Variants in QRFPR observed in about 807,000 individuals in gnomAD.
QRFPR encodes pyroglutamylated RFamide peptide receptor.
Under a neutral mutation model 31.3 loss-of-function variants are expected in QRFPR, and 37 were observed. The ratio of observed to expected loss-of-function variants is 1.18; its 90% CI spans 0.91 to 1.56. The LOEUF is 1.56. Ranked by LOEUF, QRFPR falls within the 40% of genes most tolerant of loss-of-function variation. The pLI, the probability that QRFPR is intolerant of heterozygous loss-of-function variation, is 0.00. For synonymous variants in QRFPR, 197 were observed against 192.0 expected (o/e 1.03, Z -0.22); for missense variants, 542 against 532.5 (o/e 1.02, Z -0.18).
intron 1 of QRFPR, chr4:121,369,598 G>T: frequency 6.2e-7 from 1 of 1,611,286 alleles, no homozygotes; most frequent in East Asian, 2.2e-5. Flanking sequence ...CCATTGGAGA[G>T]GGCTTCTGGG....
chr4:121,346,436 T>G (rs909534948), intron 1 of QRFPR, among the ~76,000 whole-genome samples: 1 of 152,210 alleles, frequency 6.6e-6, no homozygotes, highest in Non-Finnish European at 1.5e-5. Context: ...TACCTCTAGG[T>G]GTTTTTGTAG....
At chr4:121,347,391 T>C (rs1725675029) in intron 1 of QRFPR, among the ~76,000 whole-genome samples, 1 of 152,144 alleles carries the variant, frequency 6.6e-6, no homozygotes, top group Admixed American at 6.5e-5. Context: ...TGATTTCAGA[T>C]GATAGATATA....
At chr4:121,363,896 G>C (rs1726036091) in intron 1 of QRFPR, among the ~76,000 whole-genome samples, 1 of 147,252 alleles carries the variant, frequency 6.8e-6, no homozygotes, top group African/African-American at 2.5e-5. Flanking sequence ...AATTGAAGGA[G>C]AAAGAGAGAG....
chr4:121,365,810 A>T (rs1726126418), intron 1 of QRFPR, among the ~76,000 whole-genome samples: 2 of 141,528 alleles, frequency 1.4e-5, no homozygotes, highest in East Asian at 2.1e-4. Flanking sequence ...TAGACATTAC[A>T]GTAAAGAATT....
chr4:121,330,321 G>A, intron 5 of QRFPR, 105 bp downstream of exon 5: 1 of 742,144 alleles, frequency 1.3e-6, no homozygotes, highest in Non-Finnish European at 2.3e-6. Context: ...GAAATGTTAG[G>A]TATTTGATTA....
At position 121,363,283 on chromosome 4, in the gene QRFPR, G is replaced by A. The variant is rs1469924756; in HGVS notation, c.340+17025C>T. ...GGAGGTTGCAGTGAGCAGAGGTCGC[G>A]CCATTGCACTCCAGCCTGGGCAACA... On this transcript the variant is annotated intron_variant, in intron 1 of 5. Coordinates refer to ENST00000394427, the MANE Select transcript of QRFPR (RefSeq NM_198179.3). 5.3e-5 allele frequency among the ~76,000 whole-genome samples: 8 copies of A among 149,918 alleles called. 2 individuals are homozygous for A. Among genetic ancestry groups the A allele is most frequent in the Admixed American group, 1.3e-4 (2 of 15,098 alleles).
At chr4:121,357,792 G>A (rs1725899734) in intron 1 of QRFPR, among the ~76,000 whole-genome samples, 1 of 152,204 alleles carries the variant, frequency 6.6e-6, no homozygotes, top group Non-Finnish European at 1.5e-5. Context: ...ATGGATTTGA[G>A]AGAGAGCCCT....
intron 1 of QRFPR, among the ~76,000 whole-genome samples, chr4:121,370,781 T>C (rs911795904): frequency 3.3e-5 from 5 of 152,212 alleles, no homozygotes; most frequent in African/African-American, 1.2e-4. Flanking sequence ...TGAAAATATG[T>C]AAATACTATA....
chr4:121,373,208 A>G (rs1726284891), intron 1 of QRFPR, among the ~76,000 whole-genome samples: 2 of 152,254 alleles, frequency 1.3e-5, no homozygotes, highest in Admixed American at 6.5e-5. Flanking sequence ...ACAGTGAAAT[A>G]TTTAAAACTT....
intron 2 of QRFPR, 178 bp downstream of exon 2, chr4:121,340,274 C>T: frequency 1.5e-6 from 1 of 653,618 alleles, no homozygotes; most frequent in South Asian, 1.9e-5. Context: ...TTGAGGTCAG[C>T]CTAAAAGAGA....
intron 1 of QRFPR, among the ~76,000 whole-genome samples, chr4:121,367,125 C>T (rs1452125949): frequency 6.7e-6 from 1 of 149,888 alleles, no homozygotes; most frequent in Non-Finnish European, 1.5e-5. Context: ...AGGGAGGTTC[C>T]GCTGGGGTGG....
chr4:121,350,095 A>G (rs1348259278), intron 1 of QRFPR, among the ~76,000 whole-genome samples: 1 of 152,184 alleles, frequency 6.6e-6, no homozygotes, highest in Non-Finnish European at 1.5e-5. Flanking sequence ...TGGATGACAA[A>G]AAGGGCAATT....
In QRFPR at chr4:121,347,557, A is replaced by G. The variant is rs560080942; in HGVS notation, c.341-6947T>C. 3.3e-5 allele frequency among the ~76,000 whole-genome samples: 5 copies of G among 152,200 alleles called. No individual in the cohort carries two copies. The East Asian group carries it at 9.7e-4, about 29-fold the overall frequency. On this transcript the variant is annotated intron_variant, in intron 1 of 5. Coordinates refer to ENST00000394427, the MANE Select transcript of QRFPR (RefSeq NM_198179.3). ...ATGTATTTCTTAAACTCTAGCATGT[A>G]GTTTCTTCTACTTTGACGCTTAAAG...
chr4:121,353,656 G>A (rs1014758902), intron 1 of QRFPR, among the ~76,000 whole-genome samples: 2 of 151,978 alleles, frequency 1.3e-5, no homozygotes, highest in Non-Finnish European at 2.9e-5. Context: ...CCTCCCATTT[G>A]TGGGTTACGT....
intron 1 of QRFPR, among the ~76,000 whole-genome samples, chr4:121,348,030 G>T (rs1051787173): frequency 1.1e-4 from 16 of 151,736 alleles, no homozygotes; most frequent in Middle Eastern, 3.2e-3. Flanking sequence ...TGGAATTTTG[G>T]GTTGTATTTC....
rs201928668 is a variant in QRFPR, at chr4:121,331,659, G to A, written c.798-1136C>T. ...TATTATTATTATTATTATTATTATT[G>A]TTATTATTATGGAGATGGAGTCTTG... On this transcript the variant is annotated intron_variant, in intron 4 of 5. Coordinates refer to ENST00000394427, the MANE Select transcript of QRFPR (RefSeq NM_198179.3). Among the ~76,000 whole-genome samples, 130 of 80,704 alleles carry A rather than the reference G, an allele frequency of 1.6e-3. 1 individual carries two copies. Among genetic ancestry groups the A allele is most frequent in the African/African-American group, 5.2e-3 (117 of 22,704 alleles). 52.9% of individuals were successfully genotyped at this position (80,704 alleles called of 152,430 possible).
At chr4:121,357,605 G>A (rs1330350705) in intron 1 of QRFPR, among the ~76,000 whole-genome samples, 1 of 152,132 alleles carries the variant, frequency 6.6e-6, no homozygotes, top group Non-Finnish European at 1.5e-5. Context: ...GTCCTAGAAA[G>A]CACTGGTTCT....
intron 1 of QRFPR, among the ~76,000 whole-genome samples, chr4:121,378,732 GCA>G (rs772751022): frequency 7.2e-5 from 11 of 152,176 alleles, no homozygotes; most frequent in Non-Finnish European, 1.3e-4. Context: ...CAGACTCACT[GCA>G]CTTTCAAACT....
intron 3 of QRFPR, among the ~76,000 whole-genome samples, chr4:121,336,121 T>C (rs1024798561): frequency 6.6e-6 from 1 of 152,188 alleles, no homozygotes. Flanking sequence ...GGATAAATCA[T>C]TTAAAACTTA....
Sources: gnomAD v4.1 joint callset for allele counts (sites outside exome capture counted in the v4.1 genomes callset) on GRCh38, gnomAD v4.1.1 for gene constraint, MANE v1.5 for transcripts, NCBI Gene and HGNC (gene_info 2026-07-23, HGNC 2026-07-21) for gene names.